Variants in CTDSPL observed in about 807,000 individuals in gnomAD.
CTDSPL encodes the protein CTD small phosphatase-like protein.
CTDSPL carries 8 observed loss-of-function variants against 30.5 expected under a neutral mutation model. The ratio of observed to expected loss-of-function variants is 0.26; its 90% confidence interval spans 0.15 to 0.47. The LOEUF (loss-of-function observed/expected upper bound fraction) is 0.47. CTDSPL is among the 20% of genes least tolerant of loss of function. The pLI is 0.99. For missense variants in CTDSPL, 248 were observed against 366.1 expected (o/e 0.68, Z 2.63); for synonymous variants, 110 against 137.9 (o/e 0.80, Z 1.42).
At chr3:37,906,022 G>A (rs77182001) in intron 1 of CTDSPL, among the ~76,000 whole-genome samples, 196 of 152,284 alleles carry the variant, frequency 1.3e-3, no homozygotes, top group African/African-American at 4.4e-3. Context: ...CTGCAGAGGC[G>A]CAGTACCTTT....
intron 1 of CTDSPL, among the ~76,000 whole-genome samples, chr3:37,919,219 A>G (rs1698686056): frequency 6.6e-6 from 1 of 152,168 alleles, no homozygotes; most frequent in African/African-American, 2.4e-5. Flanking sequence ...TGGAAACTAT[A>G]CTATAGAAGA....
intron 1 of CTDSPL, among the ~76,000 whole-genome samples, chr3:37,885,126 T>A (rs571381267): frequency 3.3e-5 from 5 of 152,314 alleles, no homozygotes; most frequent in Admixed American, 2.6e-4. Flanking sequence ...AATGATTGGC[T>A]TTAGAATCCA....
chr3:37,929,419 C>T (rs1239149000), intron 1 of CTDSPL, among the ~76,000 whole-genome samples: 1 of 152,182 alleles, frequency 6.6e-6, no homozygotes, highest in Non-Finnish European at 1.5e-5. Flanking sequence ...TCCATGAACA[C>T]AGATGTCTTT....
intron 1 of CTDSPL, among the ~76,000 whole-genome samples, chr3:37,874,357 C>G (rs1698109612): frequency 6.8e-6 from 1 of 146,052 alleles, no homozygotes; most frequent in Non-Finnish European, 1.5e-5. Context: ...CATAAAAGTG[C>G]CAGTGGGTTC....
intron 1 of CTDSPL, among the ~76,000 whole-genome samples, chr3:37,899,923 A>G (rs1283341657): frequency 6.6e-6 from 1 of 152,174 alleles, no homozygotes; most frequent in African/African-American, 2.4e-5. Flanking sequence ...TGGAGATAAT[A>G]ATGGTACCTA....
Position 37,926,145 on chromosome 3 carries a change from G to T in CTDSPL, c.80-20912G>T, listed in dbSNP as rs149913209. Among the ~76,000 whole-genome samples, 160 of 152,282 alleles carry T rather than the reference G, an allele frequency of 1.1e-3. 1 individual carries two copies. The highest frequency in any genetic ancestry group is 3.6e-3 in the African/African-American group (151 of 41,556). ...TGGTAGCTGGGGAGAGGTCTGTGAGGCCATGGGAAAGTCACAGAGGAGATG... is the reference window on the plus strand; with the variant it reads ...TGGTAGCTGGGGAGAGGTCTGTGAGTCCATGGGAAAGTCACAGAGGAGATG... On this transcript the variant is annotated intron_variant, in intron 1 of 7. Transcript: ENST00000273179.
At chr3:37,976,885 G>T (rs1298441384) in intron 7 of CTDSPL, among the ~76,000 whole-genome samples, 1 of 152,010 alleles carries the variant, frequency 6.6e-6, no homozygotes, top group African/African-American at 2.4e-5. Context: ...GGTGACTGCT[G>T]ACCCCTCAGT....
chr3:37,897,225 G>T (rs1161234682), intron 1 of CTDSPL, among the ~76,000 whole-genome samples: 1 of 152,168 alleles, frequency 6.6e-6, no homozygotes, highest in Non-Finnish European at 1.5e-5. Context: ...GTTTTTCACA[G>T]CTGTAACATT....
intron 4 of CTDSPL, 52 bp from the exon 5 acceptor site, chr3:37,967,774 A>G: frequency 7.3e-7 from 1 of 1,367,552 alleles, no homozygotes; most frequent in East Asian, 2.3e-5. Context: ...TAAAATTTCC[A>G]GAGTTTTTTT....
rs756814428 is a variant in CTDSPL, at chr3:37,939,951, G to A, written c.80-7106G>A. The stretch of plus-strand genomic sequence containing the variant: ...TACTAAAAATACAAAAATTAGCCGG[G>A]CTTGGTGGCAGGCGCCTGTAGTCCC... On this transcript the variant is annotated intron_variant, in intron 1 of 7. Transcript: ENST00000273179. Among the ~76,000 whole-genome samples, 96 of 145,100 alleles carry A rather than the reference G, an allele frequency of 6.6e-4. 8 individuals carry two copies. Among genetic ancestry groups the A allele is most frequent in the Non-Finnish European group, 1.1e-3 (70 of 64,818 alleles).
At chr3:37,876,338 A>C (rs1201291241) in intron 1 of CTDSPL, among the ~76,000 whole-genome samples, 1 of 152,212 alleles carries the variant, frequency 6.6e-6, no homozygotes, top group Admixed American at 6.5e-5. Context: ...TGGCAAACTC[A>C]TACAGCTGTA....
chr3:37,935,410 T>C (rs1261280987), intron 1 of CTDSPL, among the ~76,000 whole-genome samples: 1 of 152,260 alleles, frequency 6.6e-6, no homozygotes, highest in Non-Finnish European at 1.5e-5. Flanking sequence ...AAGTGCATTA[T>C]CTGTTCACAT....
chr3:37,975,450 G>A lies in CTDSPL; in HGVS notation c.520-259G>A, dbSNP rs1452185424. ...GAGATTCGAGGCCCAGGCTAAGGGT[G>A]GTGGCAATATAAATAGATGCAAATG... On this transcript the variant is annotated intron_variant, in intron 6 of 7. Coordinates refer to ENST00000273179, the MANE Select transcript of CTDSPL (RefSeq NM_001008392.2). The surrounding 1 kb of genome is among the most constrained non-coding windows in gnomAD (Gnocchi z 4.9). Among the ~76,000 whole-genome samples the A allele has an allele frequency of 6.6e-6, 1 of 152,194 alleles. No homozygotes were observed. The highest frequency in any genetic ancestry group is 1.5e-5 in the Non-Finnish European group (1 of 68,032).
intron 1 of CTDSPL, among the ~76,000 whole-genome samples, chr3:37,921,781 T>C (rs919625497): frequency 1.3e-5 from 2 of 152,216 alleles, no homozygotes; most frequent in Non-Finnish European, 2.9e-5. Flanking sequence ...CTGCTGGTCA[T>C]CCTGGGGCAA....
At chr3:37,882,239 G>A (rs1193850219) in intron 1 of CTDSPL, among the ~76,000 whole-genome samples, 1 of 151,922 alleles carries the variant, frequency 6.6e-6, no homozygotes, top group East Asian at 1.9e-4. Flanking sequence ...TTAGGAGATC[G>A]AGACCATCCT....
rs954929532 is a variant in CTDSPL, at chr3:37,908,029, A to G, written c.80-39028A>G. On this transcript the variant is annotated intron_variant, in intron 1 of 7. Transcript: ENST00000273179. ...TTTTAAGAAGTCTGAAAGCTTCTACAGTTCAGTTTGCATGGGCTTCCCCAT... is the reference window on the plus strand; with the variant it reads ...TTTTAAGAAGTCTGAAAGCTTCTACGGTTCAGTTTGCATGGGCTTCCCCAT... Among the ~76,000 whole-genome samples the G allele has an allele frequency of 2.0e-5, 3 of 152,262 alleles. No homozygotes were observed. The South Asian group carries it at 6.2e-4, about 31-fold the overall frequency.
At position 37,922,403 on chromosome 3, in the gene CTDSPL, A is replaced by G. The variant is rs557742507; in HGVS notation, c.80-24654A>G. ...CCTGTCCCAAGACTGAGCCTGTGTG[A>G]CCTGGGAAGCAGTACGCTGAGGCCC... On this transcript the variant is annotated intron_variant, in intron 1 of 7. Transcript: ENST00000273179. Among the ~76,000 whole-genome samples, 14 of 152,232 alleles carry G rather than the reference A, an allele frequency of 9.2e-5. No homozygotes were observed. In the East Asian group the frequency reaches 2.7e-3, roughly 30 times the overall value.
At chr3:37,884,354 T>C (rs1698240965) in intron 1 of CTDSPL, among the ~76,000 whole-genome samples, 1 of 152,130 alleles carries the variant, frequency 6.6e-6, no homozygotes, top group Admixed American at 6.5e-5. Flanking sequence ...TACATCAATA[T>C]AAATGAATAT....
intron 6 of CTDSPL, among the ~76,000 whole-genome samples, chr3:37,974,991 C>T (rs1040526659): frequency 5.3e-5 from 8 of 152,192 alleles, no homozygotes; most frequent in African/African-American, 1.2e-4. Context: ...GAGAGGAAAT[C>T]AAGCAATCCC....
Sources: allele counts gnomAD v4.1 joint callset (sites outside exome capture counted in the v4.1 genomes callset), GRCh38; gene constraint gnomAD v4.1.1; non-coding constraint Gnocchi (gnomAD v3.1); transcripts MANE v1.5; gene names NCBI Gene and HGNC (gene_info 2026-07-23, HGNC 2026-07-21).